DAAM1: variants seen among roughly 807,000 people sequenced by gnomAD.
DAAM1 encodes the protein dishevelled associated activator of morphogenesis 1, also known as disheveled-associated activator of morphogenesis 1.
DAAM1 carries 52 observed loss-of-function variants against 130.0 expected under a neutral mutation model. The ratio of observed to expected loss-of-function variants is 0.40; its 90% confidence interval spans 0.32 to 0.50. The LOEUF (loss-of-function observed/expected upper bound fraction) is 0.50. Ranked by LOEUF, DAAM1 falls within the 20% of genes least tolerant of loss-of-function variation. DAAM1 has a pLI of 0.61. For synonymous variants in DAAM1, 452 were observed against 444.5 expected (o/e 1.02, Z -0.21); for missense variants, 1,134 against 1,303.8 (o/e 0.87, Z 2.01).
At chr14:59,210,251 C>T (rs9646158) in intron 1 of DAAM1, among the ~76,000 whole-genome samples, 24,016 of 152,200 alleles carry the variant, frequency 0.16, 2,353 homozygotes, top group East Asian at 0.33. Context: ...TTCACCATTG[C>T]CTACAATGAG....
At chr14:59,207,536 T>G (rs1298296565) in intron 1 of DAAM1, among the ~76,000 whole-genome samples, 1 of 152,236 alleles carries the variant, frequency 6.6e-6, no homozygotes, top group African/African-American at 2.4e-5. Flanking sequence ...ATATCAATAA[T>G]GAAACCTATT....
intron 17 of DAAM1, among the ~76,000 whole-genome samples, chr14:59,350,161 T>A (rs1023677975): frequency 4.6e-5 from 7 of 152,114 alleles, no homozygotes; most frequent in African/African-American, 9.7e-5. Context: ...CCCCCAGACC[T>A]ATGAACTCCC....
intron 1 of DAAM1, among the ~76,000 whole-genome samples, chr14:59,255,237 A>T (rs1474817115): frequency 1.3e-5 from 2 of 152,136 alleles, no homozygotes; most frequent in Admixed American, 6.6e-5. Context: ...TCCTTTTGTG[A>T]TCAAGTGTAT....
rs774385213 is a variant in DAAM1, at chr14:59,324,441, T to C, written c.976T>C (p.Ser326Pro). The change falls in exon 8 of 25, where the codon TCA becomes CCA. Residue 326 changes from serine to proline, a missense_variant. By Grantham distance (74) the Ser-to-Pro change is moderately conservative (BLOSUM62 -1). Around this residue, in one of 3 missense-constraint regions of DAAM1, gnomAD observed 391 missense variants for 521.6 expected, o/e 0.75. Coordinates refer to ENST00000360909, the MANE Select transcript of DAAM1 (RefSeq NM_001270520.2). The stretch of plus-strand genomic sequence containing the variant: ...AGATAAATTAAGGGAACACGAAAAT[T>C]CAACATTAGATAGGTAAGTCAGACT... ...VIDKLREHEN[S>P]TLDRHLDFFE... 8.8e-6 allele frequency: 14 copies of C among 1,582,772 alleles called. No homozygotes were observed. Among genetic ancestry groups the C allele is most frequent in the Non-Finnish European group, 3.4e-6 (4 of 1,164,318 alleles).
intron 1 of DAAM1, among the ~76,000 whole-genome samples, chr14:59,214,823 C>T (rs1439103954): frequency 4.6e-5 from 7 of 152,098 alleles, no homozygotes; most frequent in African/African-American, 1.2e-4. Context: ...AGTATTTGTG[C>T]GAACATGCGT....
intron 3 of DAAM1, among the ~76,000 whole-genome samples, chr14:59,313,893 A>T (rs1174079886): frequency 1.3e-5 from 2 of 152,248 alleles, no homozygotes; most frequent in Non-Finnish European, 2.9e-5. Context: ...CTGTAGCCTT[A>T]GTCCCCATCA....
chr14:59,309,517 ATGGCCCGTGGGC>A (rs769870575), intron 3 of DAAM1, among the ~76,000 whole-genome samples: 2 of 152,224 alleles, frequency 1.3e-5, no homozygotes, highest in African/African-American at 2.4e-5. Flanking sequence ...TTGACAAACT[ATGGCCCGTGGGC>A]TAATTTGGCC....
chr14:59,230,612 TGGAG>T (rs1247025219), intron 1 of DAAM1, among the ~76,000 whole-genome samples: 1 of 151,880 alleles, frequency 6.6e-6, no homozygotes, highest in Non-Finnish European at 1.5e-5. Context: ...GTGGGGGGCT[TGGAG>T]GGAGTGGGGA....
At chr14:59,246,057 G>T (rs904841707) in intron 1 of DAAM1, among the ~76,000 whole-genome samples, 7 of 152,230 alleles carry the variant, frequency 4.6e-5, no homozygotes, top group Middle Eastern at 3.4e-3. Context: ...GTTGAAGAGG[G>T]TTGATAAATT....
intron 3 of DAAM1, among the ~76,000 whole-genome samples, chr14:59,307,670 G>C (rs1884424000): frequency 6.6e-6 from 1 of 152,192 alleles, no homozygotes; most frequent in Non-Finnish European, 1.5e-5. Context: ...AAGGAGCAGA[G>C]CCCTGGGGGG....
chr14:59,231,798 C>T (rs904546604), intron 1 of DAAM1, among the ~76,000 whole-genome samples: 5 of 152,100 alleles, frequency 3.3e-5, no homozygotes, highest in East Asian at 1.9e-4. Context: ...TGGTCAACAC[C>T]GAGGAGGTCT....
At chr14:59,217,748 G>A (rs911009290) in intron 1 of DAAM1, among the ~76,000 whole-genome samples, 8 of 151,980 alleles carry the variant, frequency 5.3e-5, no homozygotes, top group African/African-American at 1.7e-4. Context: ...CAAGGCGGGC[G>A]GATCACAAGG....
intron 21 of DAAM1, 87 bp downstream of exon 21, chr14:59,359,591 CCTT>C (rs1886624539): frequency 4.3e-6 from 4 of 934,690 alleles, no homozygotes; most frequent in Middle Eastern, 2.2e-4. Flanking sequence ...TGAAGTCAGT[CCTT>C]CTATTTGTTT....
chr14:59,235,661 T>G (rs1213364793), intron 1 of DAAM1, among the ~76,000 whole-genome samples: 3 of 152,180 alleles, frequency 2.0e-5, no homozygotes, highest in African/African-American at 7.2e-5. Context: ...CTGATCTTAG[T>G]TATTTCTTGT....
chr14:59,229,567 G>A (rs993932436), intron 1 of DAAM1, among the ~76,000 whole-genome samples: 3 of 152,042 alleles, frequency 2.0e-5, no homozygotes, highest in Admixed American at 6.5e-5. Flanking sequence ...ATCTGTCCTG[G>A]CCCTTTGTGT....
intron 10 of DAAM1, 158 bp downstream of exon 10, chr14:59,326,235 G>A: frequency 1.4e-6 from 1 of 717,334 alleles, no homozygotes; most frequent in Non-Finnish European, 2.2e-6. Flanking sequence ...ATGGCTTAAA[G>A]GGTGTTACAA....
At position 59,239,577 on chromosome 14, in the gene DAAM1, A is replaced by G. The variant is rs1373992590; in HGVS notation, c.-37-23864A>G. Among the ~76,000 whole-genome samples, 3 of 152,090 alleles carry G rather than the reference A, an allele frequency of 2.0e-5. No homozygotes were observed. The East Asian group carries it at 5.8e-4, about 29-fold the overall frequency. ...TTTCTTTGACAAATTCAATGGTAGA[A>G]TTTTTAGATTCTTGACATTTTCTTA... On this transcript the variant is annotated intron_variant, in intron 1 of 24. Transcript: ENST00000360909.
intron 16 of DAAM1, among the ~76,000 whole-genome samples, chr14:59,346,226 A>G (rs1886076828): frequency 6.6e-6 from 1 of 151,300 alleles, no homozygotes. Context: ...TTTATAAAAA[A>G]TTTTTTGCTC....
chr14:59,351,444 C>A (rs1886290019), intron 17 of DAAM1, among the ~76,000 whole-genome samples: 1 of 152,132 alleles, frequency 6.6e-6, no homozygotes, highest in Non-Finnish European at 1.5e-5. Flanking sequence ...CTTGCTACTC[C>A]CTGCCTTTGC....
Sources: gnomAD v4.1 joint callset for allele counts (sites outside exome capture counted in the v4.1 genomes callset) on GRCh38, gnomAD v4.1.1 for gene constraint, gnomAD v4.1.1 regional missense constraint, MANE v1.5 for transcripts, NCBI Gene and HGNC (gene_info 2026-07-23, HGNC 2026-07-21) for gene names.